DNM2: variants seen among roughly 807,000 people sequenced by gnomAD.
DNM2 encodes the protein dynamin-2.
In DNM2, 15 loss-of-function variants were observed where a neutral mutation model predicts 99.0. The ratio of observed to expected loss-of-function variants is 0.15; its 90% confidence interval spans 0.10 to 0.23. The LOEUF (loss-of-function observed/expected upper bound fraction) is 0.23, where lower values mean the gene tolerates loss of function less well. Ranked by LOEUF, DNM2 falls within the 10% of genes least tolerant of loss-of-function variation. The probability of loss-of-function intolerance (pLI) is 1.00; values close to 1 mark genes in which losing one functional copy is unlikely to be tolerated. For synonymous variants in DNM2, 525 were observed against 481.2 expected, an observed-to-expected ratio of 1.09 and a Z score of -1.19; for missense variants, 742 against 1,189.4, an observed-to-expected ratio of 0.62 and a Z score of 5.53.
chr19:10,786,390 C>A, intron 6 of DNM2, 174 bp from the exon 7 acceptor site: 1 of 1,098,122 alleles, frequency 9.1e-7, no homozygotes, highest in Non-Finnish European at 1.3e-6. Context: ...TCTCCGTTCC[C>A]AGACATGAGT....
intron 3 of DNM2, among the ~76,000 whole-genome samples, chr19:10,774,230 A>G (rs2071075856): frequency 6.6e-6 from 1 of 152,216 alleles, no homozygotes; most frequent in South Asian, 2.1e-4. Context: ...ACTTGGGCCC[A>G]GGAAGTCGAG....
chr19:10,795,960 T>G lies in DNM2; in HGVS notation c.1196+521T>G. 6.3e-7 allele frequency: 1 copy of G among 1,590,548 alleles called. No individual in the cohort carries two copies. The highest frequency in any genetic ancestry group is 1.1e-5 in the South Asian group (1 of 90,196). ...TCCGACCCCACACATGACACAACCT[T>G]CATTCCTTGTTGGGGACCCGGCCAG... On this transcript the variant is annotated intron_variant, in intron 9 of 20. Transcript: ENST00000389253. The surrounding 1 kb of genome is among the most constrained non-coding windows in gnomAD (Gnocchi z 4.2).
rs781478890 is a variant in DNM2 at position 10,830,211 on chromosome 19, C to G, written c.2376C>G (p.Pro792=). Residue 792 remains proline (P), a synonymous_variant, in exon 20 of 21, where the codon CCC becomes CCG. Transcript: ENST00000389253. This position sits in a 1 kb window ranked among gnomAD's most constrained non-coding sequence, Gnocchi z 4.8. The part of the protein sequence containing the change: ...PAVRGPTPGP[P]LIPVPVGAAA... ...TGAGGGGCCCCACTCCAGGGCCCCCCCTGATTCCTGTTCCCGTGGGGGCAG... is the reference window on the plus strand; with the variant it reads ...TGAGGGGCCCCACTCCAGGGCCCCCGCTGATTCCTGTTCCCGTGGGGGCAG... 3 of 1,613,924 alleles carry G rather than the reference C, an allele frequency of 1.9e-6. No homozygotes were observed. Among genetic ancestry groups the G allele is most frequent in the Non-Finnish European group, 1.7e-6 (2 of 1,179,880 alleles).
chr19:10,760,036 CT>C (rs1345998564), intron 2 of DNM2, among the ~76,000 whole-genome samples: 2 of 151,558 alleles, frequency 1.3e-5, no homozygotes, highest in Non-Finnish European at 2.9e-5. Context: ...TGTGTGCTTT[CT>C]TTTTTCTTTT....
At chr19:10,819,158 T>G (rs1171082660) in intron 15 of DNM2, among the ~76,000 whole-genome samples, 2 of 152,106 alleles carry the variant, frequency 1.3e-5, no homozygotes, top group Non-Finnish European at 2.9e-5. Flanking sequence ...GGTGCGGTGG[T>G]GCACACCTGT....
chr19:10,812,484 G>A lies in DNM2; in HGVS notation c.1671+107G>A. 1.1e-6 allele frequency: 1 copy of A among 930,660 alleles called. No individual in the cohort carries two copies. Among genetic ancestry groups the A allele is most frequent in the Non-Finnish European group, 1.6e-6 (1 of 608,166 alleles). 57.7% of individuals were successfully genotyped at this position (930,660 alleles called of 1,614,324 possible). A position where few individuals can be genotyped will look rare whatever the true frequency, so the allele number is the denominator to read the frequency against. Reference sequence around the variant, plus strand: ...CTCAGTCACTGCGCCACTCTGCCCTGAGTCACCATTAGGACTGTAACTCGC... The same window carrying A: ...CTCAGTCACTGCGCCACTCTGCCCTAAGTCACCATTAGGACTGTAACTCGC... On this transcript the variant is annotated intron_variant, in intron 15 of 20. Transcript: ENST00000389253. This position sits in a 1 kb window ranked among gnomAD's most constrained non-coding sequence, Gnocchi z 4.0.
chr19:10,729,103 TG>T, intron 1 of DNM2, among the ~76,000 whole-genome samples: 1 of 105,886 alleles, frequency 9.4e-6, no homozygotes, highest in African/African-American at 3.8e-5. Flanking sequence ...AGGCGGAGCT[TG>T]CAGTGAGCCG....
At chr19:10,797,655 C>A in intron 10 of DNM2, 137 bp downstream of exon 10, 1 of 1,361,294 alleles carries the variant, frequency 7.3e-7, no homozygotes, top group Non-Finnish European at 1.0e-6. Context: ...GAGATGTCGC[C>A]ACCTTGCATT....
rs770199165 is a variant in DNM2, at chr19:10,817,391, G to T, written c.1672-2589G>T. 1 of 491,980 alleles carries T rather than the reference G, an allele frequency of 2.0e-6. No homozygotes were observed. Among genetic ancestry groups the T allele is most frequent in the Non-Finnish European group, 4.2e-6 (1 of 239,186 alleles). 30.5% of individuals were successfully genotyped at this position (491,980 alleles called of 1,614,324 possible). On this transcript the variant is annotated intron_variant, in intron 15 of 20. Coordinates refer to ENST00000389253, the MANE Select transcript of DNM2 (RefSeq NM_001005361.3). The surrounding 1 kb of genome is among the most constrained non-coding windows in gnomAD (Gnocchi z 4.6). ...GACACTCACCTGCCGGCGAGTTTGG[G>T]GGGCCTGTCTCGACGAGCCGCTCAC...
At chr19:10,735,595 CCTCCGCCTCCCGGATTCAAGCGATT>C (rs912194556) in intron 1 of DNM2, among the ~76,000 whole-genome samples, 1 of 151,924 alleles carries the variant, frequency 6.6e-6, no homozygotes, top group African/African-American at 2.4e-5. Context: ...CTCACTGCGA[CCTCCGCCTCCCGGATTCAAGCGATT>C]CTCCTGCCTC....
At chr19:10,788,650 T>C (rs2096709538) in intron 7 of DNM2, among the ~76,000 whole-genome samples, 1 of 152,202 alleles carries the variant, frequency 6.6e-6, no homozygotes, top group Non-Finnish European at 1.5e-5. Context: ...CATGACTTGG[T>C]TGGTGCAGCT....
Position 10,812,393 on chromosome 19 carries a change from G to T in DNM2, c.1671+16G>T, listed in dbSNP as rs752824768. 4 of 1,588,994 alleles carry T rather than the reference G, an allele frequency of 2.5e-6. No homozygotes were observed. Among genetic ancestry groups the T allele is most frequent in the Non-Finnish European group, 1.7e-6 (2 of 1,166,818 alleles). Reference sequence around the variant, plus strand: ...GGATGAGGAGGTGAGTGGCAGGCGGGAGCAGGGCTGCTGGGGTAGGTGGGG... The same window carrying T: ...GGATGAGGAGGTGAGTGGCAGGCGGTAGCAGGGCTGCTGGGGTAGGTGGGG... On this transcript the variant is annotated intron_variant, in intron 15 of 20. Transcript: ENST00000389253. The surrounding 1 kb of genome is among the most constrained non-coding windows in gnomAD (Gnocchi z 4.0).
chr19:10,732,922 T>A (rs185042680), intron 1 of DNM2, among the ~76,000 whole-genome samples: 142 of 151,874 alleles, frequency 9.3e-4, no homozygotes, highest in African/African-American at 3.3e-3. Context: ...TCGCTCTTGT[T>A]CCCCAGGCTG....
intron 1 of DNM2, among the ~76,000 whole-genome samples, chr19:10,731,354 CTTT>C (rs369402403): frequency 0.038 from 5,351 of 139,502 alleles, 102 homozygotes; most frequent in South Asian, 0.096. Flanking sequence ...TCTTTTCCTT[CTTT>C]TTTTTTTTTT....
intron 7 of DNM2, among the ~76,000 whole-genome samples, chr19:10,793,111 C>G (rs1176213441): frequency 6.6e-6 from 1 of 152,054 alleles, no homozygotes. Flanking sequence ...AGCATTTTTT[C>G]TTTTTTTGTG....
intron 11 of DNM2, among the ~76,000 whole-genome samples, chr19:10,801,329 A>G (rs2072133301): frequency 1.3e-5 from 2 of 150,766 alleles, no homozygotes; most frequent in Admixed American, 1.3e-4. Flanking sequence ...AAAGAAAAAA[A>G]TACAAGGCAG....
In DNM2 at chr19:10,817,832, C is replaced by T. The variant is rs893003268; in HGVS notation, c.1672-2148C>T. ...GTGTGTGTGTGCGCGCGCGCGCACG[C>T]GTGCGTGCCGGCAGCACCAGGAAGG... is the stretch of plus-strand genomic sequence containing the variant. On this transcript the variant is annotated intron_variant, in intron 15 of 20. Coordinates refer to ENST00000389253, the MANE Select transcript of DNM2 (RefSeq NM_001005361.3). The surrounding 1 kb of genome is among the most constrained non-coding windows in gnomAD (Gnocchi z 4.6). Among the ~76,000 whole-genome samples the T allele has an allele frequency of 3.3e-5, 5 of 150,058 alleles. No homozygotes were observed. The highest frequency in any genetic ancestry group is 2.1e-4 in the South Asian group (1 of 4,706).
At chr19:10,814,939 A>G (rs1330623849) in intron 15 of DNM2, among the ~76,000 whole-genome samples, 1 of 152,220 alleles carries the variant, frequency 6.6e-6, no homozygotes, top group Non-Finnish European at 1.5e-5. Flanking sequence ...TTGGCTTTCA[A>G]GAGTCCCTGG....
intron 1 of DNM2, among the ~76,000 whole-genome samples, chr19:10,737,202 G>T (rs746116396): frequency 2.6e-5 from 4 of 152,014 alleles, no homozygotes; most frequent in Non-Finnish European, 5.9e-5. Context: ...TAAAAATGAA[G>T]TCGTCCCTGA....
Sources: allele counts gnomAD v4.1 joint callset (sites outside exome capture counted in the v4.1 genomes callset), GRCh38; gene constraint gnomAD v4.1.1; non-coding constraint Gnocchi (gnomAD v3.1); transcripts MANE v1.5; gene names NCBI Gene and HGNC (gene_info 2026-07-23, HGNC 2026-07-21).